Variants in PHF20 observed in about 807,000 individuals in gnomAD.
PHF20 encodes glioma-expressed antigen 2.
In PHF20, 23 loss-of-function variants were observed where a neutral mutation model predicts 113.5. The observed-to-expected ratio is 0.20, with a 90% CI of 0.15 to 0.29. The LOEUF is 0.29. Among genes scored for constraint, PHF20 ranks in the 10% least tolerant of loss-of-function variants. The pLI is 1.00. For missense variants in PHF20, 943 were observed against 1,219.6 expected (o/e 0.77, Z 3.38); for synonymous variants, 434 against 457.3 (o/e 0.95, Z 0.65).
At chr20:35,896,483 G>A (rs1049027096) in intron 9 of PHF20, among the ~76,000 whole-genome samples, 2 of 151,942 alleles carry the variant, frequency 1.3e-5, no homozygotes, top group African/African-American at 4.8e-5. Context: ...CATTCTAAAG[G>A]GAGTCCTCAA....
rs375261229 is a variant in PHF20 at position 35,869,598 on chromosome 20, G to A, written c.922+47G>A. The A allele has an allele frequency of 6.1e-6, 6 of 988,956 alleles. No homozygotes were observed. In the African/African-American group the frequency reaches 9.6e-5, roughly 16 times the overall value. The allele number at this position is 988,956 out of a possible 1,614,324, so 61.3% of individuals were successfully genotyped here. ...GTGTGGCTAGAATTTGACGTTGTTTGGGTCAACTTCCTCTATATTCATCCT... is the reference window on the plus strand; with the variant it reads ...GTGTGGCTAGAATTTGACGTTGTTTAGGTCAACTTCCTCTATATTCATCCT... On this transcript the variant is annotated intron_variant, in intron 7 of 17. Transcript: ENST00000374012.
intron 10 of PHF20, among the ~76,000 whole-genome samples, chr20:35,904,767 C>CTCTTTCCTTCCTTCCT (rs1555799925): frequency 8.0e-6 from 1 of 125,614 alleles, no homozygotes; most frequent in Admixed American, 8.1e-5. Context: ...GATTTCTTTT[C>CTCTTTCCTTCCTTCCT]TCCTTCCTTC....
chr20:35,914,282 C>T, intron 12 of PHF20, 85 bp downstream of exon 12: 1 of 1,317,358 alleles, frequency 7.6e-7, no homozygotes, highest in Non-Finnish European at 1.1e-6. Flanking sequence ...GGGTTTGGTT[C>T]TAGGCCACTA....
intron 1 of PHF20, among the ~76,000 whole-genome samples, chr20:35,797,686 C>T (rs1444770872): frequency 1.4e-5 from 2 of 140,878 alleles, no homozygotes; most frequent in Non-Finnish European, 3.0e-5. Flanking sequence ...GAATCTTGCT[C>T]TGTCACCCAG....
At chr20:35,904,453 T>C (rs1017695727) in intron 10 of PHF20, among the ~76,000 whole-genome samples, 15 of 151,804 alleles carry the variant, frequency 9.9e-5, no homozygotes, top group African/African-American at 3.4e-4. Context: ...CCCAGCTAAT[T>C]TTTGTATTTT....
chr20:35,800,128 A>G (rs1461128422), intron 1 of PHF20: 1 of 152,206 alleles, frequency 6.6e-6, no homozygotes, highest in African/African-American at 2.4e-5. Flanking sequence ...GAAAGGAGAG[A>G]TTCAAATTGT....
Position 35,947,954 on chromosome 20 carries a change from T to C in PHF20, c.*327T>C, listed in dbSNP as rs2056116472. 4.5e-6 allele frequency: 1 copy of C among 223,368 alleles called. No homozygotes were observed. The highest frequency in any genetic ancestry group is 2.3e-5 in the African/African-American group (1 of 44,306). The allele number at this position is 223,368 out of a possible 1,614,324, so 13.8% of individuals were successfully genotyped here. Reference sequence around the variant, plus strand: ...ATAAACGGAATGAGAGCCAAAAAAGTTTAGTTGGAGACAGTTGTAAATTCA... The same window carrying C: ...ATAAACGGAATGAGAGCCAAAAAAGCTTAGTTGGAGACAGTTGTAAATTCA... On this transcript the variant is annotated 3_prime_UTR_variant, in exon 18 of 18. Coordinates refer to ENST00000374012, the MANE Select transcript of PHF20 (RefSeq NM_016436.5).
chr20:35,795,063 GCTC>G (rs1388922736), intron 1 of PHF20, among the ~76,000 whole-genome samples: 2 of 151,784 alleles, frequency 1.3e-5, no homozygotes, highest in African/African-American at 4.8e-5. Flanking sequence ...GTGGTGGTGT[GCTC>G]CTGTAATCCC....
chr20:35,821,022 A>G (rs896080543), intron 2 of PHF20, among the ~76,000 whole-genome samples: 8 of 152,086 alleles, frequency 5.3e-5, no homozygotes, highest in African/African-American at 1.9e-4. Context: ...GGCCAGAGGT[A>G]GGAGGTGAGC....
At chr20:35,842,831 G>A in intron 3 of PHF20, 87 bp downstream of exon 3, 2 of 1,151,350 alleles carry the variant, frequency 1.7e-6, no homozygotes, top group Non-Finnish European at 2.5e-6. Flanking sequence ...AGTAGCAGCT[G>A]GAGACCAGTT....
At chr20:35,807,075 A>C (rs137978601) in intron 2 of PHF20, among the ~76,000 whole-genome samples, 1 of 152,048 alleles carries the variant, frequency 6.6e-6, no homozygotes, top group Admixed American at 6.6e-5. Context: ...GATTACAGGC[A>C]TGAGCCACTG....
At position 35,939,040 on chromosome 20, in the gene PHF20, C is replaced by T. The variant is rs369820748; in HGVS notation, c.2644C>T (p.Arg882Cys). Residue 882 changes from arginine to cysteine, a missense_variant, in exon 16 of 18, where the codon CGC (arginine) becomes TGC (cysteine). Arg to Cys is a radical substitution (Grantham distance 180). This residue lies in a region of PHF20 where 349 missense variants were observed against 412.3 expected (regional missense o/e 0.85). Coordinates refer to ENST00000374012, the MANE Select transcript of PHF20 (RefSeq NM_016436.5). Reference sequence around the variant, plus strand: ...GAACGGCGATGATTCCCTTTCCCCGCGCCTGGGCTGGCCTCTAGACCAAGA... The same window carrying T: ...GAACGGCGATGATTCCCTTTCCCCGTGCCTGGGCTGGCCTCTAGACCAAGA... ...HENGDDSLSP[R>C]LGWPLDQDRS... 9.9e-6 allele frequency: 16 copies of T among 1,614,170 alleles called. No homozygotes were observed. The highest frequency in any genetic ancestry group is 2.7e-5 in the African/African-American group (2 of 75,050).
intron 9 of PHF20, among the ~76,000 whole-genome samples, chr20:35,884,965 G>C (rs1302522075): frequency 1.3e-5 from 2 of 152,094 alleles, no homozygotes; most frequent in African/African-American, 4.8e-5. Flanking sequence ...CGAGTAGCTG[G>C]AATTACAGGC....
chr20:35,906,892 T>C (rs544562545), intron 10 of PHF20, among the ~76,000 whole-genome samples: 1 of 152,140 alleles, frequency 6.6e-6, no homozygotes, highest in Admixed American at 6.6e-5. Context: ...TGGAGGGCCA[T>C]CCTGGGTTGG....
rs149124769 is a variant in PHF20 at position 35,921,357 on chromosome 20, C to A, written c.2004+3695C>A. On this transcript the variant is annotated intron_variant, in intron 13 of 17. Transcript: ENST00000374012. ...TTTTTTAATTGTCCTACCTTAAAAACACACACATTTTGCAGACTCTCTGAA... is the reference window on the plus strand; with the variant it reads ...TTTTTTAATTGTCCTACCTTAAAAAAACACACATTTTGCAGACTCTCTGAA... Among the ~76,000 whole-genome samples the A allele has an allele frequency of 4.8e-4, 73 of 151,340 alleles. No individual in the cohort carries two copies. The East Asian group carries it at 0.013, about 27-fold the overall frequency.
chr20:35,826,769 C>T (rs892678558), intron 2 of PHF20, among the ~76,000 whole-genome samples: 11 of 152,254 alleles, frequency 7.2e-5, no homozygotes, highest in African/African-American at 2.2e-4. Context: ...GGCTCTGTAT[C>T]AGGCATTCTG....
intron 5 of PHF20, among the ~76,000 whole-genome samples, chr20:35,862,130 G>C (rs890310193): frequency 6.6e-6 from 1 of 152,144 alleles, no homozygotes; most frequent in African/African-American, 2.4e-5. Context: ...CTAAGAAGCG[G>C]TATTTCCTAC....
At chr20:35,862,845 G>T (rs1384874697) in intron 5 of PHF20, among the ~76,000 whole-genome samples, 168 bp from the exon 6 acceptor site, 2 of 152,206 alleles carry the variant, frequency 1.3e-5, no homozygotes, top group African/African-American at 4.8e-5. Flanking sequence ...TTTAAGGATT[G>T]GTTCTCAACT....
chr20:35,792,345 G>A (rs947839691), intron 1 of PHF20, among the ~76,000 whole-genome samples: 9 of 150,792 alleles, frequency 6.0e-5, no homozygotes, highest in Admixed American at 4.0e-4. Context: ...CTGCCACCAC[G>A]CCCGGCTAAT....
Sources: allele counts gnomAD v4.1 joint callset (sites outside exome capture counted in the v4.1 genomes callset), GRCh38; gene constraint gnomAD v4.1.1; regional missense constraint gnomAD v4.1.1; transcripts MANE v1.5; gene names NCBI Gene and HGNC (gene_info 2026-07-23, HGNC 2026-07-21).